MDM2: variants seen among roughly 807,000 people sequenced by gnomAD.
MDM2 encodes E3 ubiquitin-protein ligase Mdm2.
Under a neutral mutation model 64.3 loss-of-function variants are expected in MDM2, and 11 were observed. The ratio of observed to expected loss-of-function variants is 0.17; its 90% CI spans 0.11 to 0.28. The LOEUF is 0.28. MDM2 is among the 10% of genes least tolerant of loss of function. The pLI, the probability that MDM2 is intolerant of heterozygous loss-of-function variation, is 1.00. For missense variants in MDM2, 388 were observed against 577.1 expected (o/e 0.67, Z 3.36); for synonymous variants, 194 against 192.9 (o/e 1.01, Z -0.05).
intron 9 of MDM2, among the ~76,000 whole-genome samples, chr12:68,836,251 CAT>C (rs952431149): frequency 1.6e-4 from 25 of 152,084 alleles, no homozygotes; most frequent in Non-Finnish European, 3.5e-4. Flanking sequence ...CTTTTAAAAA[CAT>C]ATAATTCAAC....
chr12:68,823,588 T>A (rs1882052565), intron 5 of MDM2, among the ~76,000 whole-genome samples: 1 of 152,236 alleles, frequency 6.6e-6, no homozygotes, highest in Non-Finnish European at 1.5e-5. Context: ...TTAATAGTTT[T>A]TAGTTTGTAT....
chr12:68,829,068 A>G, intron 8 of MDM2, 137 bp downstream of exon 8: 1 of 873,350 alleles, frequency 1.1e-6, no homozygotes, highest in Non-Finnish European at 1.7e-6. Flanking sequence ...TTTACTTTAA[A>G]ATAAAACTAC....
At chr12:68,837,453 A>G (rs2136172811) in intron 10 of MDM2, among the ~76,000 whole-genome samples, 1 of 151,328 alleles carries the variant, frequency 6.6e-6, no homozygotes, top group Non-Finnish European at 1.5e-5. Flanking sequence ...CCCACCTCCC[A>G]GGCTCAAGTG....
At position 68,842,184 on chromosome 12, in the gene MDM2, G is replaced by A. The variant is rs1883822430; in HGVS notation, c.*2335G>A. The A allele has an allele frequency of 8.1e-6, 4 of 493,648 alleles. No homozygotes were observed. The highest frequency in any genetic ancestry group is 1.9e-5 in the African/African-American group (1 of 51,394). The allele number at this position is 493,648 out of a possible 1,614,324, so 30.6% of individuals were successfully genotyped here. On this transcript the variant is annotated 3_prime_UTR_variant, in exon 11 of 11. Transcript: ENST00000258149. Reference sequence around the variant, plus strand: ...AGAACTATGGAATAAAACTACTGATGCAGTGAAGACAGTTGAAAAGATCAA... The same window carrying A: ...AGAACTATGGAATAAAACTACTGATACAGTGAAGACAGTTGAAAAGATCAA...
At chr12:68,835,448 T>A (rs3730637) in intron 8 of MDM2, among the ~76,000 whole-genome samples, 2,779 of 152,336 alleles carry the variant, frequency 0.018, 83 homozygotes, top group African/African-American at 0.063. Flanking sequence ...GGGTGTCTAG[T>A]TGAAGACAGA....
rs1324471102 is a variant in MDM2, at chr12:68,842,558, C to T, written c.*2709C>T. 2.9e-6 allele frequency: 1 copy of T among 345,342 alleles called. No homozygotes were observed. The highest frequency in any genetic ancestry group is 2.1e-5 in the African/African-American group (1 of 47,360). The allele number at this position is 345,342 out of a possible 1,614,324, so 21.4% of individuals were successfully genotyped here. A position where few individuals can be genotyped will look rare whatever the true frequency, so the allele number is the denominator to read the frequency against. On this transcript the variant is annotated 3_prime_UTR_variant, in exon 11 of 11. Transcript: ENST00000258149. ...AACAGATAATATGGATGTTTGATCG[C>T]ATCTCATTGTTAACTCTTTACTGAT... is the stretch of plus-strand genomic sequence containing the variant.
intron 8 of MDM2, 116 bp downstream of exon 8, chr12:68,829,047 C>A: frequency 9.5e-7 from 1 of 1,048,596 alleles, no homozygotes; most frequent in Non-Finnish European, 1.4e-6. Flanking sequence ...ATAGAAAACA[C>A]AGTGCTAAAT....
chr12:68,828,659 A>G, intron 7 of MDM2, 112 bp from the exon 8 acceptor site: 2 of 817,494 alleles, frequency 2.4e-6, no homozygotes, highest in Non-Finnish European at 3.9e-6. Flanking sequence ...AAACAGTGTT[A>G]ACTTTTGAAC....
intron 2 of MDM2, among the ~76,000 whole-genome samples, chr12:68,811,254 A>C (rs1437946301): frequency 6.6e-6 from 1 of 152,118 alleles, no homozygotes; most frequent in South Asian, 2.1e-4. Context: ...TTTCTTAGTA[A>C]TTGGAGTAGC....
At chr12:68,824,255 G>A (rs1882109702) in intron 5 of MDM2, 108 bp from the exon 6 acceptor site, 2 of 682,204 alleles carry the variant, frequency 2.9e-6, no homozygotes, top group East Asian at 5.5e-5. Context: ...TTTATTGAAA[G>A]GTTAAATTGC....
chr12:68,831,942 G>A (rs1882831975), intron 8 of MDM2, among the ~76,000 whole-genome samples: 1 of 152,096 alleles, frequency 6.6e-6, no homozygotes, highest in Non-Finnish European at 1.5e-5. Context: ...ATAGTGGCGG[G>A]CACCTGTAAT....
Position 68,843,161 on chromosome 12 carries a change from A to G in MDM2, c.*3312A>G, listed in dbSNP as rs1470223700. 1 of 223,950 alleles carries G rather than the reference A, an allele frequency of 4.5e-6. No homozygotes were observed. The highest frequency in any genetic ancestry group is 8.9e-6 in the Non-Finnish European group (1 of 112,342). The allele number at this position is 223,950 out of a possible 1,614,324, so 13.9% of individuals were successfully genotyped here. A position where few individuals can be genotyped will look rare whatever the true frequency, so the allele number is the denominator to read the frequency against. On this transcript the variant is annotated 3_prime_UTR_variant, in exon 11 of 11. Transcript: ENST00000258149. ...GTATGGGTAGAACATGTGTCTGTTA[A>G]TTGCACACAAAACCACTTTTAATGG... is the stretch of plus-strand genomic sequence containing the variant.
intron 7 of MDM2, among the ~76,000 whole-genome samples, chr12:68,827,614 C>G (rs1264626379): frequency 6.6e-6 from 1 of 152,096 alleles, no homozygotes; most frequent in Non-Finnish European, 1.5e-5. Context: ...AAATACTTCT[C>G]CACCCCAGCA....
chr12:68,850,398 T>G (rs2136203118), downstream of MDM2: 1 of 152,194 alleles, frequency 6.6e-6, no homozygotes, highest in African/African-American at 2.4e-5. Flanking sequence ...ACAGAGAAAC[T>G]ATTTCCTGTT....
At chr12:68,833,309 A>AT (rs1428704968) in intron 8 of MDM2, among the ~76,000 whole-genome samples, 1 of 66,788 alleles carries the variant, frequency 1.5e-5, no homozygotes, top group African/African-American at 6.9e-5. Flanking sequence ...ATATAAATAT[A>AT]AAAATATAAT....
chr12:68,833,351 A>C (rs1883052153), intron 8 of MDM2, among the ~76,000 whole-genome samples: 1 of 136,466 alleles, frequency 7.3e-6, no homozygotes, highest in African/African-American at 2.7e-5. Flanking sequence ...ATTTATGTAA[A>C]TATAAATGGG....
chr12:68,824,721 T>G (rs1882159781), intron 7 of MDM2, 70 bp downstream of exon 7: 10 of 991,846 alleles, frequency 1.0e-5, no homozygotes, highest in Admixed American at 2.4e-5. Context: ...AAATTAGTGC[T>G]TTTAGACTTA....
At chr12:68,827,527 G>T (rs749245347) in intron 7 of MDM2, among the ~76,000 whole-genome samples, 3 of 152,024 alleles carry the variant, frequency 2.0e-5, no homozygotes, top group Non-Finnish European at 4.4e-5. Flanking sequence ...CTTTTGTTTG[G>T]TATTTTATTT....
chr12:68,818,430 G>A (rs927424644), intron 4 of MDM2, among the ~76,000 whole-genome samples: 1 of 151,004 alleles, frequency 6.6e-6, no homozygotes, highest in African/African-American at 2.4e-5. Context: ...GTTAACAAAA[G>A]GTATTTTTAC....
Sources: allele counts gnomAD v4.1 joint callset (sites outside exome capture counted in the v4.1 genomes callset), GRCh38; gene constraint gnomAD v4.1.1; transcripts MANE v1.5; gene names NCBI Gene and HGNC (gene_info 2026-07-23, HGNC 2026-07-21).